RAP1GDS1: variants seen among roughly 807,000 people sequenced by gnomAD.
The protein encoded by RAP1GDS1 is RAP1, GTP-GDP dissociation stimulator 1.
RAP1GDS1 carries 35 observed loss-of-function variants against 71.1 expected under a neutral mutation model. The observed-to-expected ratio is 0.49, with a 90% CI of 0.38 to 0.65. RAP1GDS1 has a LOEUF of 0.65. RAP1GDS1 is among the 30% of genes least tolerant of loss of function. The pLI is 0.00. For missense variants in RAP1GDS1, 663 were observed against 706.1 expected, an observed-to-expected ratio of 0.94 and a Z score of 0.69; for synonymous variants, 229 against 243.1, an observed-to-expected ratio of 0.94 and a Z score of 0.54.
At chr4:98,389,112 C>T (rs1253623807) in intron 5 of RAP1GDS1, among the ~76,000 whole-genome samples, 2 of 150,230 alleles carry the variant, frequency 1.3e-5, no homozygotes, top group African/African-American at 5.0e-5. Context: ...CCATTGCTTT[C>T]GTACCATTGG....
intron 1 of RAP1GDS1, among the ~76,000 whole-genome samples, chr4:98,262,346 T>C (rs1722138887): frequency 6.6e-6 from 1 of 152,234 alleles, no homozygotes; most frequent in African/African-American, 2.4e-5. Context: ...AGCTTCCTCC[T>C]GTCTAATCTG....
At chr4:98,357,898 T>C (rs1247979621) in intron 4 of RAP1GDS1, among the ~76,000 whole-genome samples, 2 of 151,962 alleles carry the variant, frequency 1.3e-5, no homozygotes, top group African/African-American at 4.8e-5. Context: ...GGATTAAGTA[T>C]GTTTATATAA....
At chr4:98,390,531 CCAGATAATTATCTGTAATTAGCCAGTCAT>C (rs1377410041) in intron 5 of RAP1GDS1, among the ~76,000 whole-genome samples, 2 of 152,068 alleles carry the variant, frequency 1.3e-5, no homozygotes, top group Admixed American at 6.6e-5. Flanking sequence ...CACAACCAAA[CCAGATAATTATCTGTAATTAGCCAGTCAT>C]CAGTTTTCAG....
chr4:98,286,015 C>G (rs1048790204), intron 1 of RAP1GDS1, among the ~76,000 whole-genome samples: 1 of 150,828 alleles, frequency 6.6e-6, no homozygotes, highest in African/African-American at 2.4e-5. Context: ...GCCTATAATT[C>G]TAGCATGTTG....
At chr4:98,381,650 A>G (rs1742039488) in intron 5 of RAP1GDS1, among the ~76,000 whole-genome samples, 1 of 151,536 alleles carries the variant, frequency 6.6e-6, no homozygotes. Flanking sequence ...TTTTATATGT[A>G]TTTACTATGT....
intron 6 of RAP1GDS1, among the ~76,000 whole-genome samples, chr4:98,398,561 T>C (rs1414157846): frequency 4.6e-5 from 7 of 152,080 alleles, no homozygotes; most frequent in Admixed American, 3.9e-4. Context: ...GAAAATGCAA[T>C]GTTGCCTTCA....
intron 12 of RAP1GDS1, among the ~76,000 whole-genome samples, chr4:98,423,565 A>T (rs1404807730): frequency 6.6e-6 from 1 of 151,486 alleles, no homozygotes; most frequent in African/African-American, 2.4e-5. Flanking sequence ...TTTTTTTGAG[A>T]CAGAGTTTCG....
intron 4 of RAP1GDS1, among the ~76,000 whole-genome samples, chr4:98,360,818 T>C (rs147897758): frequency 0.04 from 6,072 of 152,182 alleles, 170 homozygotes; most frequent in Middle Eastern, 0.075. Flanking sequence ...ACGCTTGTAA[T>C]CCCATCATTT....
At chr4:98,286,268 A>C (rs1271238499) in intron 1 of RAP1GDS1, among the ~76,000 whole-genome samples, 2 of 151,422 alleles carry the variant, frequency 1.3e-5, no homozygotes, top group Admixed American at 6.6e-5. Flanking sequence ...CTGTCTCAAA[A>C]AAAAAAAAAA....
At chr4:98,278,289 A>C (rs1162242225) in intron 1 of RAP1GDS1, among the ~76,000 whole-genome samples, 1 of 152,190 alleles carries the variant, frequency 6.6e-6, no homozygotes, top group Non-Finnish European at 1.5e-5. Flanking sequence ...AGGTCCCCCT[A>C]GTTTTCATTA....
At chr4:98,382,856 A>G (rs1276061113) in intron 5 of RAP1GDS1, among the ~76,000 whole-genome samples, 2 of 151,642 alleles carry the variant, frequency 1.3e-5, no homozygotes, top group Admixed American at 6.6e-5. Flanking sequence ...CTTTCCCACT[A>G]TGTTAGTTGA....
intron 2 of RAP1GDS1, among the ~76,000 whole-genome samples, chr4:98,304,980 A>G (rs1446799773): frequency 2.0e-5 from 3 of 151,734 alleles, no homozygotes; most frequent in Non-Finnish European, 4.4e-5. Context: ...ATGGTTCTAG[A>G]TGTGTGGTCT....
intron 4 of RAP1GDS1, among the ~76,000 whole-genome samples, chr4:98,363,226 A>G (rs1739003335): frequency 6.6e-6 from 1 of 152,072 alleles, no homozygotes; most frequent in African/African-American, 2.4e-5. Context: ...GGTGGCTCAC[A>G]TCTGTAATCC....
In RAP1GDS1 at chr4:98,431,129, TAGAGA is replaced by T. The variant is rs1273375236; in HGVS notation, c.1441-2805_1441-2801del. Among the ~76,000 whole-genome samples the T allele has an allele frequency of 1.8e-4, 28 of 152,132 alleles. 1 individual carries two copies. Among genetic ancestry groups the T allele is most frequent in the Non-Finnish European group, 3.8e-4 (26 of 68,012 alleles). On this transcript the variant is annotated intron_variant, in intron 12 of 14. Coordinates refer to ENST00000408927, the MANE Select transcript of RAP1GDS1 (RefSeq NM_001100427.2). ...AGCACTTTTCTTTAACCTTTAAGAGTAGAGAATTCTTTATCAGTTACCAGGCTAAA... is the reference window on the plus strand; with the variant it reads ...AGCACTTTTCTTTAACCTTTAAGAGTATTCTTTATCAGTTACCAGGCTAAA...
intron 2 of RAP1GDS1, among the ~76,000 whole-genome samples, chr4:98,314,354 A>G (rs775009396): frequency 6.6e-6 from 1 of 152,222 alleles, no homozygotes; most frequent in Non-Finnish European, 1.5e-5. Flanking sequence ...CTTCAAAAGA[A>G]ATCAAGTTTC....
At position 98,443,034 on chromosome 4, in the gene RAP1GDS1, T is replaced by TC. The variant is rs1561030757; in HGVS notation, c.*917_*918insC. On this transcript the variant is annotated 3_prime_UTR_variant, in exon 15 of 15. Transcript: ENST00000408927. ...AATGGAATTTTTTTTTTTTTTTTTT[T>TC]TTTTGCTGTTTTTCATCATTCAGCT... is the stretch of plus-strand genomic sequence containing the variant. The TC allele has an allele frequency of 4.6e-6, 1 of 215,642 alleles. No individual in the cohort carries two copies. Among genetic ancestry groups the TC allele is most frequent in the African/African-American group, 2.3e-5 (1 of 42,774 alleles). The allele number at this position is 215,642 out of a possible 1,614,324, so 13.4% of individuals were successfully genotyped here.
intron 2 of RAP1GDS1, among the ~76,000 whole-genome samples, chr4:98,334,275 G>A (rs1479760029): frequency 1.3e-5 from 2 of 151,690 alleles, no homozygotes; most frequent in African/African-American, 4.8e-5. Context: ...AAAAATTTTG[G>A]GGTAAAACTG....
At chr4:98,273,439 TATG>T (rs1403689746) in intron 1 of RAP1GDS1, among the ~76,000 whole-genome samples, 4 of 152,180 alleles carry the variant, frequency 2.6e-5, no homozygotes, top group Admixed American at 6.5e-5. Context: ...ACATTTGAAA[TATG>T]ATAACATTAA....
At chr4:98,276,954 A>G (rs1364935917) in intron 1 of RAP1GDS1, among the ~76,000 whole-genome samples, 1 of 152,180 alleles carries the variant, frequency 6.6e-6, no homozygotes, top group African/African-American at 2.4e-5. Flanking sequence ...TGGCTAGATT[A>G]GGGAACTGAG....
Sources: gnomAD v4.1 joint callset for allele counts (sites outside exome capture counted in the v4.1 genomes callset) on GRCh38, gnomAD v4.1.1 for gene constraint, MANE v1.5 for transcripts, NCBI Gene and HGNC (gene_info 2026-07-23, HGNC 2026-07-21) for gene names.